PLCG2: variants seen among roughly 807,000 people sequenced by gnomAD.
The protein encoded by PLCG2 is 1-phosphatidylinositol 4,5-bisphosphate phosphodiesterase gamma-2.
PLCG2 carries 69 observed loss-of-function variants against 175.6 expected under a neutral mutation model. The ratio of observed to expected loss-of-function variants is 0.39; its 90% CI spans 0.32 to 0.48. The LOEUF is 0.48. PLCG2 is among the 20% of genes least tolerant of loss of function. The probability of loss-of-function intolerance (pLI) is 0.91; values close to 1 mark genes in which losing one functional copy is unlikely to be tolerated. For missense variants in PLCG2, 1,798 were observed against 1,650.9 expected, an observed-to-expected ratio of 1.09 and a Z score of -1.54; for synonymous variants, 827 against 624.0, an observed-to-expected ratio of 1.33 and a Z score of -4.85.
chr16:81,912,889 G>A (rs999067734), intron 19 of PLCG2, among the ~76,000 whole-genome samples, 173 bp downstream of exon 19: 5 of 152,256 alleles, frequency 3.3e-5, no homozygotes, highest in African/African-American at 1.2e-4. Context: ...GCGCTCCTGC[G>A]TGCCAGGCAC....
At chr16:81,895,667 C>T in intron 12 of PLCG2, 140 bp from the exon 13 acceptor site, 7 of 850,370 alleles carry the variant, frequency 8.2e-6, no homozygotes, top group South Asian at 4.8e-5. Flanking sequence ...CAGGGAAAGC[C>T]ATGTCCTCGT....
chr16:81,858,613 C>T (rs1450531934), intron 4 of PLCG2, among the ~76,000 whole-genome samples: 1 of 152,100 alleles, frequency 6.6e-6, no homozygotes, highest in South Asian at 2.1e-4. Context: ...TAGAAACATT[C>T]CTGGGGTATG....
chr16:81,750,763 G>T (rs1302711104), intron 1 of PLCG2, among the ~76,000 whole-genome samples: 1 of 135,440 alleles, frequency 7.4e-6, no homozygotes, highest in Non-Finnish European at 1.5e-5. Context: ...CGCCTCCCGG[G>T]TTCATGCCAT....
intron 5 of PLCG2, among the ~76,000 whole-genome samples, chr16:81,863,475 C>T (rs535224592): frequency 5.3e-5 from 8 of 152,188 alleles, no homozygotes; most frequent in African/African-American, 1.7e-4. Flanking sequence ...GTTGCTTCCA[C>T]GTTTTGGCAA....
intron 2 of PLCG2, among the ~76,000 whole-genome samples, chr16:81,853,454 T>G (rs1460540583): frequency 1.3e-5 from 2 of 152,004 alleles, no homozygotes; most frequent in African/African-American, 2.4e-5. Flanking sequence ...TAGAAGACAG[T>G]TTTTCCACAG....
In PLCG2 at chr16:81,947,315, G is replaced by A. The variant is rs1911190682; in HGVS notation, c.3570+1052G>A. ...ATGGAAAGTCGACGCTCACAAATCT[G>A]CTTTCTGAAAGTTTTCTTTAGTTCA... is the stretch of plus-strand genomic sequence containing the variant. On this transcript the variant is annotated intron_variant, in intron 31 of 32. Transcript: ENST00000564138. 2.0e-5 allele frequency among the ~76,000 whole-genome samples: 3 copies of A among 152,162 alleles called. No individual in the cohort carries two copies. In the South Asian group the frequency reaches 6.2e-4, roughly 31 times the overall value.
At chr16:81,786,273 T>A in intron 2 of PLCG2, 91 bp downstream of exon 2, 1 of 1,043,290 alleles carries the variant, frequency 9.6e-7, no homozygotes, top group Non-Finnish European at 1.4e-6. Flanking sequence ...ATTACTGTGA[T>A]TGTTGTTGGT....
intron 7 of PLCG2, among the ~76,000 whole-genome samples, chr16:81,871,323 G>A (rs1027842147): frequency 1.3e-5 from 2 of 152,154 alleles, no homozygotes; most frequent in South Asian, 4.1e-4. Flanking sequence ...TTATATATAT[G>A]TTTCTTCTTT....
At chr16:81,789,299 C>G (rs1046037401) in intron 2 of PLCG2, among the ~76,000 whole-genome samples, 10 of 152,308 alleles carry the variant, frequency 6.6e-5, no homozygotes, top group Admixed American at 2.6e-4. Context: ...CTCTCTCGCT[C>G]TCTGTTTTAG....
rs566452397 is a variant in PLCG2, at chr16:81,909,619, G to A, written c.1734-901G>A. On this transcript the variant is annotated intron_variant, in intron 17 of 32. Coordinates refer to ENST00000564138, the MANE Select transcript of PLCG2 (RefSeq NM_002661.5). ...TTTTGTAGAGCTGGAGTCTCACTAC[G>A]TTGCCCAGGCTGGTTTTGAACTCAG... 7.1e-4 allele frequency among the ~76,000 whole-genome samples: 108 copies of A among 152,280 alleles called. No homozygotes were observed. In the Middle Eastern group the frequency reaches 0.01, roughly 14 times the overall value.
chr16:81,851,474 C>G (rs561431240), intron 2 of PLCG2, among the ~76,000 whole-genome samples: 1 of 152,078 alleles, frequency 6.6e-6, no homozygotes, highest in African/African-American at 2.4e-5. Flanking sequence ...ATGTAGATGA[C>G]GTGCTGTTTT....
intron 24 of PLCG2, among the ~76,000 whole-genome samples, chr16:81,930,286 G>C (rs923807061): frequency 6.6e-6 from 1 of 152,154 alleles, no homozygotes; most frequent in African/African-American, 2.4e-5. Flanking sequence ...AAGTTTCCCT[G>C]TCATAATCTT....
intron 2 of PLCG2, among the ~76,000 whole-genome samples, chr16:81,787,552 T>C (rs1911034326): frequency 7.1e-6 from 1 of 141,708 alleles, no homozygotes; most frequent in Non-Finnish European, 1.5e-5. Flanking sequence ...TTTTTTTTTA[T>C]AATAGATTGA....
chr16:81,824,404 G>A (rs2143351338), intron 2 of PLCG2, among the ~76,000 whole-genome samples: 1 of 152,282 alleles, frequency 6.6e-6, no homozygotes, highest in South Asian at 2.1e-4. Flanking sequence ...AAAGTGCTGG[G>A]ATTACAAGCG....
At chr16:81,782,441 G>A (rs1370676222) in intron 1 of PLCG2, among the ~76,000 whole-genome samples, 1 of 152,056 alleles carries the variant, frequency 6.6e-6, no homozygotes, top group East Asian at 1.9e-4. Flanking sequence ...GGAAGTTGCT[G>A]TGGTGGCTGG....
chr16:81,778,250 G>A (rs1910543790), upstream of PLCG2, among the ~76,000 whole-genome samples: 1 of 151,790 alleles, frequency 6.6e-6, no homozygotes, highest in African/African-American at 2.4e-5. Flanking sequence ...TGCCTCTATA[G>A]TCCCAGCTCT....
chr16:81,905,379 C>G, intron 14 of PLCG2, 24 bp from the exon 15 acceptor site: 1 of 1,552,068 alleles, frequency 6.4e-7, no homozygotes, highest in African/African-American at 1.4e-5. Context: ...ATGGAGACAG[C>G]CTATGTATAT....
In PLCG2 at chr16:81,878,345, C is replaced by G. The variant is rs1907915616; in HGVS notation, c.649-2565C>G. On this transcript the variant is annotated intron_variant, in intron 7 of 32. Transcript: ENST00000564138. ...CGGGTCCACCCTAACCCAGCAAGGC[C>G]TCATCTTAACTTGATTGCACCTTGC... Among the ~76,000 whole-genome samples, 3 of 152,206 alleles carry G rather than the reference C, an allele frequency of 2.0e-5. No individual in the cohort carries two copies. In the South Asian group the frequency reaches 6.2e-4, roughly 32 times the overall value.
chr16:81,923,562 C>A lies in PLCG2; in HGVS notation c.2385C>A (p.Leu795=), dbSNP rs533165431. Reference sequence around the variant, plus strand: ...AGCTGAGCTTCTGCCGTGGTGCCCTCATCCACAATGTCTCCAAGGAGCCCG... The same window carrying A: ...AGCTGAGCTTCTGCCGTGGTGCCCTAATCCACAATGTCTCCAAGGAGCCCG... ...SDELSFCRGA[L]IHNVSKEPGG... The change falls in exon 22 of 33, where the codon CTC becomes CTA. Residue 795 remains leucine (L), a synonymous_variant. Transcript: ENST00000564138. The A allele has an allele frequency of 1.4e-5, 23 of 1,613,226 alleles. No homozygotes were observed. Among genetic ancestry groups the A allele is most frequent in the Non-Finnish European group, 1.9e-5 (22 of 1,179,258 alleles).
Sources: gnomAD v4.1 joint callset for allele counts (sites outside exome capture counted in the v4.1 genomes callset) on GRCh38, gnomAD v4.1.1 for gene constraint, MANE v1.5 for transcripts, NCBI Gene and HGNC (gene_info 2026-07-23, HGNC 2026-07-21) for gene names.